CAMK1D: variants seen among roughly 807,000 people sequenced by gnomAD.
CAMK1D encodes calcium/calmodulin dependent protein kinase ID, also known as calcium/calmodulin-dependent protein kinase type 1D.
Under a neutral mutation model 47.7 loss-of-function variants are expected in CAMK1D, and 9 were observed. The ratio of observed to expected loss-of-function variants is 0.19; its 90% CI spans 0.11 to 0.33. CAMK1D has a LOEUF of 0.33. Ranked by LOEUF, CAMK1D falls within the 10% of genes least tolerant of loss-of-function variation. CAMK1D has a pLI of 1.00. For missense variants in CAMK1D, 291 were observed against 488.7 expected (o/e 0.60, Z 3.81); for synonymous variants, 184 against 184.9 (o/e 0.99, Z 0.04).
At chr10:12,505,323 A>T (rs17492457) in intron 1 of CAMK1D, among the ~76,000 whole-genome samples, 21,753 of 152,198 alleles carry the variant, frequency 0.14, 1,597 homozygotes, top group Non-Finnish European at 0.16. Context: ...CTTTTCTCTC[A>T]AGGATGCCAA....
chr10:12,567,042 G>T (rs972986057), intron 2 of CAMK1D, among the ~76,000 whole-genome samples: 2 of 152,294 alleles, frequency 1.3e-5, no homozygotes, highest in South Asian at 2.1e-4. Flanking sequence ...ACATTGGAGA[G>T]GCTTTGCTCT....
intron 3 of CAMK1D, among the ~76,000 whole-genome samples, chr10:12,745,918 A>G (rs1405940348): frequency 2.6e-5 from 4 of 152,098 alleles, no homozygotes; most frequent in Admixed American, 2.6e-4. Context: ...AAATCTGACA[A>G]CTTTCTTCCA....
chr10:12,788,996 C>T (rs1354428479), intron 5 of CAMK1D, among the ~76,000 whole-genome samples: 2 of 152,248 alleles, frequency 1.3e-5, no homozygotes, highest in East Asian at 1.9e-4. Context: ...GTGCATCCCT[C>T]ACTGCCATAG....
intron 8 of CAMK1D, among the ~76,000 whole-genome samples, chr10:12,822,622 G>A (rs1351796325): frequency 6.6e-6 from 1 of 152,200 alleles, no homozygotes; most frequent in African/African-American, 2.4e-5. Context: ...TGCTCAGCCT[G>A]AGGAATTCCA....
intron 1 of CAMK1D, among the ~76,000 whole-genome samples, chr10:12,452,535 T>G (rs913351261): frequency 6.6e-6 from 1 of 151,990 alleles, no homozygotes. Flanking sequence ...TGCATTATGG[T>G]CCATATATCA....
intron 1 of CAMK1D, among the ~76,000 whole-genome samples, chr10:12,414,125 C>T (rs1239473360): frequency 6.6e-6 from 1 of 152,112 alleles, no homozygotes; most frequent in Non-Finnish European, 1.5e-5. Flanking sequence ...AATCTGAAAA[C>T]CATAATATAA....
chr10:12,541,654 C>T (rs1246743507), intron 1 of CAMK1D, among the ~76,000 whole-genome samples: 1 of 152,176 alleles, frequency 6.6e-6, no homozygotes, highest in Non-Finnish European at 1.5e-5. Flanking sequence ...GCCACTGCGC[C>T]CAGCTGACTT....
At chr10:12,697,782 C>G (rs995421092) in intron 3 of CAMK1D, among the ~76,000 whole-genome samples, 1 of 152,284 alleles carries the variant, frequency 6.6e-6, no homozygotes, top group Middle Eastern at 3.4e-3. Context: ...CCGAAGTTCC[C>G]GAACCTCTGC....
chr10:12,794,999 T>G (rs773117064), intron 6 of CAMK1D, among the ~76,000 whole-genome samples: 2 of 152,192 alleles, frequency 1.3e-5, no homozygotes, highest in Non-Finnish European at 2.9e-5. Flanking sequence ...CTTTGCACGG[T>G]GCCTGGAATA....
chr10:12,430,182 C>T (rs954445037), intron 1 of CAMK1D, among the ~76,000 whole-genome samples: 9 of 152,138 alleles, frequency 5.9e-5, no homozygotes, highest in South Asian at 2.1e-4. Context: ...CAATCCTGCT[C>T]GTTTGGGATT....
chr10:12,743,633 C>A (rs1835535249), intron 3 of CAMK1D, among the ~76,000 whole-genome samples: 1 of 152,168 alleles, frequency 6.6e-6, no homozygotes, highest in Non-Finnish European at 1.5e-5. Flanking sequence ...ATTCCTACCA[C>A]CCCCAAAACG....
At position 12,821,520 on chromosome 10, in the gene CAMK1D, C is replaced by T. The variant is rs78948108; in HGVS notation, c.834-2945C>T. On this transcript the variant is annotated intron_variant, in intron 8 of 10. Transcript: ENST00000619168. The stretch of plus-strand genomic sequence containing the variant: ...CATCTTGAGCAGGTGGCTAGAAAAG[C>T]GCAGACTCAGAGCCAGGAAGGTAGA... Among the ~76,000 whole-genome samples, 183 of 152,294 alleles carry T rather than the reference C, an allele frequency of 1.2e-3. 2 individuals carry two copies. The East Asian group carries it at 0.031, about 25-fold the overall frequency.
chr10:12,690,410 G>A (rs756206055), intron 3 of CAMK1D, among the ~76,000 whole-genome samples: 2 of 152,164 alleles, frequency 1.3e-5, no homozygotes, highest in African/African-American at 4.8e-5. Flanking sequence ...CTGTAGAAGG[G>A]AGGGCGAAGT....
intron 1 of CAMK1D, among the ~76,000 whole-genome samples, chr10:12,366,663 A>T (rs572652855): frequency 2.0e-5 from 3 of 152,048 alleles, no homozygotes; most frequent in African/African-American, 7.2e-5. Context: ...TGTCTTAAAA[A>T]AAAAAAGAAG....
At chr10:12,496,205 G>A (rs539970545) in intron 1 of CAMK1D, among the ~76,000 whole-genome samples, 50 of 152,338 alleles carry the variant, frequency 3.3e-4, no homozygotes, top group African/African-American at 1.2e-3. Context: ...GGTTGCCAAT[G>A]TCTTTATGAA....
At chr10:12,753,897 C>CT (rs1258081119) in intron 3 of CAMK1D, among the ~76,000 whole-genome samples, 30 of 152,076 alleles carry the variant, frequency 2.0e-4, no homozygotes, top group African/African-American at 6.5e-4. Flanking sequence ...AGTTTTATTT[C>CT]TTATTTTTTT....
intron 5 of CAMK1D, among the ~76,000 whole-genome samples, chr10:12,771,225 T>C (rs1837024848): frequency 6.6e-6 from 1 of 152,186 alleles, no homozygotes; most frequent in African/African-American, 2.4e-5. Flanking sequence ...CCGCCGCGCC[T>C]GAGTGAGGCT....
intron 2 of CAMK1D, among the ~76,000 whole-genome samples, chr10:12,626,036 T>C (rs1460657047): frequency 2.0e-5 from 3 of 152,234 alleles, no homozygotes; most frequent in African/African-American, 7.2e-5. Flanking sequence ...AAAAGTTATA[T>C]CTACTGCACC....
intron 2 of CAMK1D, among the ~76,000 whole-genome samples, chr10:12,590,111 C>T (rs11599527): frequency 0.041 from 6,217 of 152,286 alleles, 155 homozygotes; most frequent in Middle Eastern, 0.085. Flanking sequence ...TTCTCTAGCA[C>T]TTTCTGTCTC....
Sources: allele counts gnomAD v4.1 joint callset (sites outside exome capture counted in the v4.1 genomes callset), GRCh38; gene constraint gnomAD v4.1.1; transcripts MANE v1.5; gene names NCBI Gene and HGNC (gene_info 2026-07-23, HGNC 2026-07-21).